FHL3: variants seen among roughly 807,000 people sequenced by gnomAD.
The protein encoded by FHL3 is four and a half LIM domains 3, also known as four and a half LIM domains protein 3.
Under a neutral mutation model 34.3 loss-of-function variants are expected in FHL3, and 21 were observed. That is an observed-to-expected ratio of 0.61 (90% confidence interval 0.43 to 0.88). FHL3 has a LOEUF of 0.88. Ranked by LOEUF, FHL3 falls within the 40% of genes least tolerant of loss-of-function variation. The pLI, the probability that FHL3 is intolerant of heterozygous loss-of-function variation, is 0.00. For missense variants in FHL3, 333 were observed against 373.7 expected (o/e 0.89, Z 0.90); for synonymous variants, 137 against 144.6 (o/e 0.95, Z 0.38).
chr1:37,996,945 C>T lies in FHL3; in HGVS notation c.*460G>A, dbSNP rs1646539427. ...CAGTGGGCTCCTGATCTGCTGCCCC[C>T]ACAGCCTCAACCGCGGGGATGGGGT... is the stretch of plus-strand genomic sequence containing the variant. On this transcript the variant is annotated 3_prime_UTR_variant, in exon 6 of 6. Transcript: ENST00000373016. 6.4e-6 allele frequency: 1 copy of T among 156,766 alleles called. No individual in the cohort carries two copies. Among genetic ancestry groups the T allele is most frequent in the African/African-American group, 2.4e-5 (1 of 41,504 alleles). 9.7% of individuals were successfully genotyped at this position (156,766 alleles called of 1,614,324 possible).
chr1:38,002,535 ATT>A (rs35702463), intron 1 of FHL3, among the ~76,000 whole-genome samples: 3,930 of 106,792 alleles, frequency 0.037, 128 homozygotes, highest in African/African-American at 0.13. Flanking sequence ...TGCCAGCCCA[ATT>A]TTTTTTTTTT....
At position 37,998,005 on chromosome 1, in the gene FHL3, G is replaced by T. The variant is rs1167458359; in HGVS notation, c.459C>A (p.Cys153Ter). 1.2e-6 allele frequency: 2 copies of T among 1,614,050 alleles called. No individual in the cohort carries two copies. The highest frequency in any genetic ancestry group is 2.7e-5 in the African/African-American group (2 of 74,926). The change falls in exon 4 of 6, where the codon TGC (cysteine) becomes TGA (stop). Residue 153 changes from cysteine (C) to a stop codon, truncating the protein, a stop_gained. Transcript: ENST00000373016. LOFTEE classifies it high-confidence loss of function. ...AGCGAGGAGCAAACTTGTTCTCATA[G>T]CAGGGCACGCAGTAGTGAGCACCCT... Reference protein sequence around the residue: ...PDKGAHYCVPCYENKFAPRCA... With the variant: ...PDKGAHYCVP
At chr1:38,002,100 ATT>A (rs11352792) in intron 1 of FHL3, among the ~76,000 whole-genome samples, 80 of 142,508 alleles carry the variant, frequency 5.6e-4, no homozygotes, top group East Asian at 1.0e-3. Flanking sequence ...CTGGACTGGA[ATT>A]TTTTTTTTTT....
rs4274021 is a variant in FHL3 at position 37,997,226 on chromosome 1, T to C, written c.*179A>G. ...CATGGAGGCTCTGTAAGAGCCCAGG[T>C]TTGGGGCCCTGGGTCAGGGAGTACC... is the stretch of plus-strand genomic sequence containing the variant. On this transcript the variant is annotated 3_prime_UTR_variant, in exon 6 of 6. Coordinates refer to ENST00000373016, the MANE Select transcript of FHL3 (RefSeq NM_004468.5). The surrounding 1 kb of genome is among the most constrained non-coding windows in gnomAD (Gnocchi z 4.3). 14 of 653,324 alleles carry C rather than the reference T, an allele frequency of 2.1e-5. No individual in the cohort carries two copies. Among genetic ancestry groups the C allele is most frequent in the Non-Finnish European group, 3.2e-5 (12 of 378,222 alleles). 40.5% of individuals were successfully genotyped at this position (653,324 alleles called of 1,614,324 possible). A position where few individuals can be genotyped will look rare whatever the true frequency, so the allele number is the denominator to read the frequency against.
In FHL3 at chr1:37,997,601, G is replaced by C. The variant is rs1321018308; in HGVS notation, c.689-42C>G. 1 of 1,613,018 alleles carries C rather than the reference G, an allele frequency of 6.2e-7. No homozygotes were observed. The highest frequency in any genetic ancestry group is 2.2e-5 in the East Asian group (1 of 44,844). ...AGTTAGCTATGCAGATGTGGGGATG[G>C]TCCGGCCCTCAACCTCACCCAATAC... On this transcript the variant is annotated intron_variant, in intron 5 of 5. Coordinates refer to ENST00000373016, the MANE Select transcript of FHL3 (RefSeq NM_004468.5). The surrounding 1 kb of genome is among the most constrained non-coding windows in gnomAD (Gnocchi z 4.3).
chr1:37,999,020 A>G lies in FHL3; in HGVS notation c.285T>C (p.Ser95=). ...AAGCGGAGCACTGCGAGGAAAACGC[A>G]CTGCAGTAGCAGTCATTGCAGAGCA... ...SELLCNDCYC[S]AFSSQCSACG... is the part of the protein sequence containing the mutation. The change falls in exon 3 of 6, where the codon AGT becomes AGC. Residue 95 remains serine (S), a synonymous_variant. Coordinates refer to ENST00000373016, the MANE Select transcript of FHL3 (RefSeq NM_004468.5). 1 of 1,614,266 alleles carries G rather than the reference A, an allele frequency of 6.2e-7. No homozygotes were observed. Among genetic ancestry groups the G allele is most frequent in the Non-Finnish European group, 8.5e-7 (1 of 1,180,054 alleles).
chr1:38,005,241 G>A (rs1252807075), intron 1 of FHL3, 116 bp downstream of exon 1: 9 of 151,742 alleles, frequency 5.9e-5, no homozygotes, highest in Non-Finnish European at 1.0e-4. Flanking sequence ...GAGCCCGGCG[G>A]GTACAGGGGA....
At chr1:38,002,319 C>G (rs950245211) in intron 1 of FHL3, among the ~76,000 whole-genome samples, 1 of 151,910 alleles carries the variant, frequency 6.6e-6, no homozygotes, top group Non-Finnish European at 1.5e-5. Flanking sequence ...AGGATGGTCT[C>G]GAACTCCTGA....
chr1:37,998,163 T>G, intron 3 of FHL3, 31 bp from the exon 4 acceptor site: 1 of 1,608,320 alleles, frequency 6.2e-7, no homozygotes, highest in Non-Finnish European at 8.5e-7. Flanking sequence ...ATTTAGAGGT[T>G]GTGTCCCATG....
At chr1:38,001,168 G>T (rs1390512926) in intron 1 of FHL3, among the ~76,000 whole-genome samples, 1 of 152,252 alleles carries the variant, frequency 6.6e-6, no homozygotes, top group African/African-American at 2.4e-5. Flanking sequence ...CCAGGGGCCA[G>T]GGTCTTTAGA....
intron 1 of FHL3, among the ~76,000 whole-genome samples, chr1:38,002,173 A>G (rs953447960): frequency 6.7e-5 from 10 of 150,270 alleles, no homozygotes; most frequent in African/African-American, 2.2e-4. Context: ...ATCTCGGCTC[A>G]CTGCAACCTC....
In FHL3 at chr1:37,997,875, G is replaced by A; in HGVS notation, c.502-5C>T. On this transcript the variant is annotated splice_polypyrimidine_tract_variant and splice_region_variant and intron_variant, in intron 4 of 5. Coordinates refer to ENST00000373016, the MANE Select transcript of FHL3 (RefSeq NM_004468.5). This position sits in a 1 kb window ranked among gnomAD's most constrained non-coding sequence, Gnocchi z 4.3. The stretch of plus-strand genomic sequence containing the variant: ...CACTCCACCCTGTGTCAGCGTCTGT[G>A]GGGGCAGCATCCATTAGTAGGTATG... The A allele has an allele frequency of 1.2e-6, 2 of 1,613,602 alleles. No homozygotes were observed. The highest frequency in any genetic ancestry group is 1.7e-6 in the Non-Finnish European group (2 of 1,179,606).
At position 37,997,459 on chromosome 1, in the gene FHL3, G is replaced by A. The variant is rs777100071; in HGVS notation, c.789C>T (p.Phe263=). 1.1e-5 allele frequency: 17 copies of A among 1,613,944 alleles called. No homozygotes were observed. Among genetic ancestry groups the A allele is most frequent in the South Asian group, 4.4e-5 (4 of 91,082 alleles). Residue 263 remains phenylalanine, a synonymous_variant, in exon 6 of 6, where the codon TTC becomes TTT. Coordinates refer to ENST00000373016, the MANE Select transcript of FHL3 (RefSeq NM_004468.5). The surrounding 1 kb of genome is among the most constrained non-coding windows in gnomAD (Gnocchi z 4.3). ...AGAGCACTTGGTCTCCATCCGGTAC[G>A]AAGCCCTGGCCCACCAGGGAGGTAG... ...RCSTSLVGQG[F]VPDGDQVLCQ... is the part of the protein sequence containing the mutation.
chr1:38,005,097 C>G (rs906512492), intron 1 of FHL3, among the ~76,000 whole-genome samples: 5 of 152,110 alleles, frequency 3.3e-5, no homozygotes, highest in Non-Finnish European at 7.4e-5. Context: ...TCCGGCTTTT[C>G]TATTTCAAAC....
chr1:37,997,122 G>T lies in FHL3; in HGVS notation c.*283C>A. 2.6e-6 allele frequency: 1 copy of T among 388,508 alleles called. No individual in the cohort carries two copies. 24.1% of individuals were successfully genotyped at this position (388,508 alleles called of 1,614,324 possible). ...CTCGGGTCTAGAGCCCTGATTTGGGGAGAGGACTCAGTCTGGGAACCCAGA... is the reference window on the plus strand; with the variant it reads ...CTCGGGTCTAGAGCCCTGATTTGGGTAGAGGACTCAGTCTGGGAACCCAGA... On this transcript the variant is annotated 3_prime_UTR_variant, in exon 6 of 6. Coordinates refer to ENST00000373016, the MANE Select transcript of FHL3 (RefSeq NM_004468.5). The surrounding 1 kb of genome is among the most constrained non-coding windows in gnomAD (Gnocchi z 4.3).
chr1:37,998,650 C>T (rs1302056714), intron 3 of FHL3: 1 of 338,496 alleles, frequency 3.0e-6, no homozygotes, highest in African/African-American at 2.1e-5. Context: ...ATGTTAAGCC[C>T]TCTGTTTATC....
At position 37,999,398 on chromosome 1, in the gene FHL3, A is replaced by G; in HGVS notation, c.15T>C (p.Phe5=). ...GGGACTCGTTGCATTTTGCACAGTC[A>G]AATGACTCGCTCATGGTGGCAAGGG... MSES[F]DCAKCNESLY... is the part of the protein sequence containing the mutation. Residue 5 remains phenylalanine, a synonymous_variant, in exon 2 of 6, where the codon TTT becomes TTC. Coordinates refer to ENST00000373016, the MANE Select transcript of FHL3 (RefSeq NM_004468.5). 1.2e-6 allele frequency: 2 copies of G among 1,614,220 alleles called. No individual in the cohort carries two copies. Among genetic ancestry groups the G allele is most frequent in the Non-Finnish European group, 1.7e-6 (2 of 1,180,044 alleles).
chr1:38,003,446 G>A lies in FHL3; in HGVS notation c.-21+1911C>T, dbSNP rs767002849. 2.7e-4 allele frequency among the ~76,000 whole-genome samples: 41 copies of A among 152,296 alleles called. 1 individual carries two copies. The highest frequency in any genetic ancestry group is 3.4e-3 in the Middle Eastern group (1 of 294). ...TGGACATTCTCAGCATAGGCCCAGG[G>A]AGAGAATAGGGGGCCCCAGGCCCAT... On this transcript the variant is annotated intron_variant, in intron 1 of 5. Coordinates refer to ENST00000373016, the MANE Select transcript of FHL3 (RefSeq NM_004468.5).
At chr1:38,003,439 G>A (rs1462627390) in intron 1 of FHL3, among the ~76,000 whole-genome samples, 1 of 152,174 alleles carries the variant, frequency 6.6e-6, no homozygotes, top group Non-Finnish European at 1.5e-5. Context: ...CTCAGCATAG[G>A]CCCAGGGAGA....
Sources: allele counts gnomAD v4.1 joint callset (sites outside exome capture counted in the v4.1 genomes callset), GRCh38; gene constraint gnomAD v4.1.1; non-coding constraint Gnocchi (gnomAD v3.1); transcripts MANE v1.5; gene names NCBI Gene and HGNC (gene_info 2026-07-23, HGNC 2026-07-21).